The following SPI1 variants were observed in gnomAD, a reference collection of about 807,000 sequenced individuals.
SPI1 encodes Spi-1 proto-oncogene.
SPI1 carries 3 observed loss-of-function variants against 30.7 expected under a neutral mutation model. The ratio of observed to expected loss-of-function variants is 0.10; its 90% CI spans 0.04 to 0.25. SPI1 has a LOEUF of 0.25. SPI1 is among the 10% of genes least tolerant of loss of function. The pLI is 1.00. For synonymous variants in SPI1, 169 were observed against 157.1 expected (o/e 1.08, Z -0.56); for missense variants, 261 against 371.5 (o/e 0.70, Z 2.45).
At chr11:47,371,899 C>G (rs1227725118) in intron 2 of SPI1, among the ~76,000 whole-genome samples, 2 of 152,098 alleles carry the variant, frequency 1.3e-5, no homozygotes, top group African/African-American at 4.8e-5. Flanking sequence ...CTCTCTGGTC[C>G]TCTGTCAGGG....
chr11:47,360,291 G>A (rs1383739649), intron 2 of SPI1, among the ~76,000 whole-genome samples: 1 of 152,148 alleles, frequency 6.6e-6, no homozygotes, highest in African/African-American at 2.4e-5. Context: ...AGCAAAGCTC[G>A]TGTTCTCAGC....
At chr11:47,357,433 G>A (rs564718169) in intron 4 of SPI1, among the ~76,000 whole-genome samples, 213 of 151,520 alleles carry the variant, frequency 1.4e-3, no homozygotes, top group Middle Eastern at 3.5e-3. Context: ...ATGCTTACAC[G>A]CCTGTTCACA....
Position 47,356,108 on chromosome 11 carries a change from C to G in SPI1, c.494-562G>C, listed in dbSNP as rs2095908529. On this transcript the variant is annotated intron_variant, in intron 4 of 4. Transcript: ENST00000378538. The stretch of plus-strand genomic sequence containing the variant: ...ATGCTTGTGCAATGCACCCAAACGC[C>G]AGATTGCACCCACACCCACCCACTT... Among the ~76,000 whole-genome samples the G allele has an allele frequency of 2.6e-5, 4 of 151,208 alleles. No homozygotes were observed. In the South Asian group the frequency reaches 6.3e-4, roughly 24 times the overall value.
rs1446115937 is a variant in SPI1, at chr11:47,374,705, A to T, written c.142+928T>A. On this transcript the variant is annotated intron_variant, in intron 2 of 4. Coordinates refer to ENST00000378538, the MANE Select transcript of SPI1 (RefSeq NM_003120.3). This position sits in a 1 kb window ranked among gnomAD's most constrained non-coding sequence, Gnocchi z 4.5. ...TAGGCCACCTCGCTTTGGGTCAGGG[A>T]TGTCTACATCAATAAGCCAAGATCC... 6.6e-6 allele frequency among the ~76,000 whole-genome samples: 1 copy of T among 152,198 alleles called. No individual in the cohort carries two copies. Among genetic ancestry groups the T allele is most frequent in the African/African-American group, 2.4e-5 (1 of 41,438 alleles).
At chr11:47,376,484 G>C (rs1330709038) in intron 1 of SPI1, among the ~76,000 whole-genome samples, 2 of 152,030 alleles carry the variant, frequency 1.3e-5, no homozygotes, top group Non-Finnish European at 2.9e-5. Context: ...TAGGGGCCGA[G>C]CGCATGGAGG....
At chr11:47,360,065 G>A in intron 2 of SPI1, 25 bp from the exon 3 acceptor site, 2 of 1,521,812 alleles carry the variant, frequency 1.3e-6, no homozygotes, top group South Asian at 2.5e-5. Context: ...CAGGCAGTAT[G>A]GGGTGAGCTC....
In SPI1 at chr11:47,375,357, T is replaced by C. The variant is rs1263609811; in HGVS notation, c.142+276A>G. The stretch of plus-strand genomic sequence containing the variant: ...CAAGTCTCCTAGCACCCTAAGCCTG[T>C]TTCCTTGTTTATAAAGAAGACCACA... On this transcript the variant is annotated intron_variant, in intron 2 of 4. Transcript: ENST00000378538. This position sits in a 1 kb window ranked among gnomAD's most constrained non-coding sequence, Gnocchi z 4.2. 6.6e-6 allele frequency among the ~76,000 whole-genome samples: 1 copy of C among 152,224 alleles called. No individual in the cohort carries two copies. The highest frequency in any genetic ancestry group is 1.5e-5 in the Non-Finnish European group (1 of 68,036).
chr11:47,367,115 A>G (rs1047163117), intron 2 of SPI1, among the ~76,000 whole-genome samples: 7 of 152,180 alleles, frequency 4.6e-5, no homozygotes, highest in African/African-American at 1.7e-4. Flanking sequence ...GGCTAAGTGG[A>G]TGATTAGATG....
chr11:47,372,088 G>A (rs190236622), intron 2 of SPI1, among the ~76,000 whole-genome samples: 222 of 151,968 alleles, frequency 1.5e-3, no homozygotes, highest in Admixed American at 2.4e-3. Context: ...TGCAGAAAAT[G>A]GTCTCTTTGT....
At chr11:47,367,215 T>A (rs2095929589) in intron 2 of SPI1, among the ~76,000 whole-genome samples, 1 of 152,096 alleles carries the variant, frequency 6.6e-6, no homozygotes, top group Admixed American at 6.6e-5. Flanking sequence ...GATGGATGGA[T>A]GGATGGATGG....
chr11:47,368,049 G>A (rs960228510), intron 2 of SPI1, among the ~76,000 whole-genome samples: 4 of 152,010 alleles, frequency 2.6e-5, no homozygotes, highest in East Asian at 3.9e-4. Flanking sequence ...CACTGTGCCC[G>A]GCCGATGGTT....
chr11:47,360,302 A>C, intron 2 of SPI1, among the ~76,000 whole-genome samples: 1 of 152,122 alleles, frequency 6.6e-6, no homozygotes, highest in East Asian at 1.9e-4. Context: ...TGTTCTCAGC[A>C]ATTCCATCCT....
chr11:47,356,429 C>T (rs1289799483), intron 4 of SPI1, among the ~76,000 whole-genome samples: 1 of 151,644 alleles, frequency 6.6e-6, no homozygotes, highest in Non-Finnish European at 1.5e-5. Flanking sequence ...TGCACCCACT[C>T]ACACACATGC....
chr11:47,373,979 GC>G (rs1221710611), intron 2 of SPI1, among the ~76,000 whole-genome samples: 2 of 152,234 alleles, frequency 1.3e-5, no homozygotes, highest in Non-Finnish European at 2.9e-5. Flanking sequence ...GCTGCAAAAG[GC>G]CCAAAGGAAA....
rs1426011227 is a variant in SPI1 at position 47,374,111 on chromosome 11, C to G, written c.142+1522G>C. Among the ~76,000 whole-genome samples the G allele has an allele frequency of 6.6e-6, 1 of 152,182 alleles. No individual in the cohort carries two copies. Among genetic ancestry groups the G allele is most frequent in the East Asian group, 1.9e-4 (1 of 5,190 alleles). On this transcript the variant is annotated intron_variant, in intron 2 of 4. Transcript: ENST00000378538. This position sits in a 1 kb window ranked among gnomAD's most constrained non-coding sequence, Gnocchi z 4.5. ...CACCAGGGGGCGCCTGTCCCAGGGC[C>G]CAGCGGGACCTCCTGGAGTCCTGGA...
chr11:47,366,814 G>A (rs934983950), intron 2 of SPI1, among the ~76,000 whole-genome samples: 23 of 103,420 alleles, frequency 2.2e-4, no homozygotes, highest in Non-Finnish European at 3.9e-4. Context: ...AGAGTGGAAC[G>A]CTGTCTCAAA....
At position 47,375,826 on chromosome 11, in the gene SPI1, G is replaced by A. The variant is rs891363330; in HGVS notation, c.46-97C>T. The A allele has an allele frequency of 9.5e-6, 9 of 950,134 alleles. No individual in the cohort carries two copies. The African/African-American group carries it at 1.1e-4, about 12-fold the overall frequency. The allele number at this position is 950,134 out of a possible 1,614,324, so 58.9% of individuals were successfully genotyped here. A position where few individuals can be genotyped will look rare whatever the true frequency, so the allele number is the denominator to read the frequency against. On this transcript the variant is annotated intron_variant, in intron 1 of 4. Transcript: ENST00000378538. This position sits in a 1 kb window ranked among gnomAD's most constrained non-coding sequence, Gnocchi z 4.2. Reference sequence around the variant, plus strand: ...CGCTGGGTCCCCATCACCTTCCCTGGCTCAGTGGCTGCGTTGGACCTACAG... The same window carrying A: ...CGCTGGGTCCCCATCACCTTCCCTGACTCAGTGGCTGCGTTGGACCTACAG...
rs1173229283 is a variant in SPI1 at position 47,375,287 on chromosome 11, GAGCGGACAGACCTGGGTTCCACCCAGC to G, written c.142+319_142+345del. 6.6e-6 allele frequency among the ~76,000 whole-genome samples: 1 copy of G among 152,240 alleles called. No homozygotes were observed. The highest frequency in any genetic ancestry group is 1.5e-5 in the Non-Finnish European group (1 of 68,036). Reference sequence around the variant, plus strand: ...GGCAGAAAAAAAAGCACAGGACCTGGAGCGGACAGACCTGGGTTCCACCCAGCAGCCGTGTGACCTTGTGCAAGTCTC... The same window carrying G: ...GGCAGAAAAAAAAGCACAGGACCTGGAGCCGTGTGACCTTGTGCAAGTCTC... On this transcript the variant is annotated intron_variant, in intron 2 of 4. Coordinates refer to ENST00000378538, the MANE Select transcript of SPI1 (RefSeq NM_003120.3). This position sits in a 1 kb window ranked among gnomAD's most constrained non-coding sequence, Gnocchi z 4.2.
At position 47,371,146 on chromosome 11, in the gene SPI1, G is replaced by A. The variant is rs142119449; in HGVS notation, c.142+4487C>T. 5.9e-3 allele frequency among the ~76,000 whole-genome samples: 901 copies of A among 151,520 alleles called. 11 individuals carry two copies. The highest frequency in any genetic ancestry group is 0.02 in the African/African-American group (829 of 41,250). ...GAGGCCAAGGCGGGTGGATCACAACGTCAGGAGATCAAGACCATCCTGGCT... is the reference window on the plus strand; with the variant it reads ...GAGGCCAAGGCGGGTGGATCACAACATCAGGAGATCAAGACCATCCTGGCT... On this transcript the variant is annotated intron_variant, in intron 2 of 4. Transcript: ENST00000378538.
Sources: gnomAD v4.1 joint callset for allele counts (sites outside exome capture counted in the v4.1 genomes callset) on GRCh38, gnomAD v4.1.1 for gene constraint, Gnocchi (gnomAD v3.1) non-coding constraint, MANE v1.5 for transcripts, NCBI Gene and HGNC (gene_info 2026-07-23, HGNC 2026-07-21) for gene names.